Variants in RNF4 observed in about 807,000 individuals in gnomAD.
The protein encoded by RNF4 is E3 ubiquitin-protein ligase RNF4.
RNF4 carries 7 observed loss-of-function variants against 24.3 expected under a neutral mutation model. The ratio of observed to expected loss-of-function variants is 0.29; its 90% CI spans 0.16 to 0.54. The LOEUF is 0.54. RNF4 is among the 20% of genes least tolerant of loss of function. The pLI is 0.95. For synonymous variants in RNF4, 83 were observed against 84.3 expected (o/e 0.98, Z 0.09); for missense variants, 209 against 248.5 (o/e 0.84, Z 1.07).
intron 3 of RNF4, among the ~76,000 whole-genome samples, chr4:2,497,709 A>G (rs1379775580): frequency 2.0e-5 from 3 of 152,140 alleles, no homozygotes; most frequent in South Asian, 2.1e-4. Context: ...GTCTCGGCTC[A>G]CTGCAAGCTC....
intron 2 of RNF4, 126 bp from the exon 3 acceptor site, chr4:2,496,881 G>T: frequency 1.6e-6 from 1 of 622,022 alleles, no homozygotes; most frequent in South Asian, 2.0e-5. Flanking sequence ...TTTGAAAGGA[G>T]CCCTAACTTC....
In RNF4 at chr4:2,493,564, A is replaced by C. The variant is rs188530685; in HGVS notation, c.9+3062A>C. Among the ~76,000 whole-genome samples, 655 of 152,012 alleles carry C rather than the reference A, an allele frequency of 4.3e-3. 6 individuals are homozygous for C. The highest frequency in any genetic ancestry group is 3.9e-3 in the Non-Finnish European group (268 of 67,968). Reference sequence around the variant, plus strand: ...CGAGACCAGCCTGGCCAACATGGTGAAACCCCGTTTCCACTAAAAATACAA... The same window carrying C: ...CGAGACCAGCCTGGCCAACATGGTGCAACCCCGTTTCCACTAAAAATACAA... On this transcript the variant is annotated intron_variant, in intron 2 of 7. Coordinates refer to ENST00000314289, the MANE Select transcript of RNF4 (RefSeq NM_002938.5).
chr4:2,474,574 C>G (rs992083118), intron 1 of RNF4, among the ~76,000 whole-genome samples: 1 of 152,142 alleles, frequency 6.6e-6, no homozygotes, highest in Non-Finnish European at 1.5e-5. Flanking sequence ...ATTTTATAAA[C>G]TTAGTTAATA....
At chr4:2,504,306 G>C (rs1328698635) in intron 4 of RNF4, among the ~76,000 whole-genome samples, 1 of 152,118 alleles carries the variant, frequency 6.6e-6, no homozygotes, top group Non-Finnish European at 1.5e-5. Context: ...ATAAATGCCA[G>C]ACTTTTCTAA....
intron 4 of RNF4, among the ~76,000 whole-genome samples, chr4:2,501,339 G>C (rs150666413): frequency 3.1e-4 from 47 of 152,308 alleles, no homozygotes; most frequent in East Asian, 2.7e-3. Flanking sequence ...TTCCAAAAGT[G>C]CCTGCTACTT....
chr4:2,496,569 T>C (rs963234856), intron 2 of RNF4, among the ~76,000 whole-genome samples: 3 of 152,170 alleles, frequency 2.0e-5, no homozygotes, highest in Non-Finnish European at 4.4e-5. Context: ...CAAGTGATTC[T>C]CCTGCCTCAG....
intron 1 of RNF4, among the ~76,000 whole-genome samples, chr4:2,477,728 A>C (rs995916942): frequency 6.6e-6 from 1 of 152,168 alleles, no homozygotes; most frequent in African/African-American, 2.4e-5. Flanking sequence ...GCCATTTGGA[A>C]CTGGCTTTTG....
chr4:2,470,358 C>T (rs1440168394), intron 1 of RNF4, among the ~76,000 whole-genome samples: 1 of 152,142 alleles, frequency 6.6e-6, no homozygotes, highest in Non-Finnish European at 1.5e-5. Context: ...TCTTTTGTTA[C>T]TTTCTTGGTG....
At chr4:2,477,616 G>T (rs1486569388) in intron 1 of RNF4, among the ~76,000 whole-genome samples, 1 of 151,836 alleles carries the variant, frequency 6.6e-6, no homozygotes, top group Admixed American at 6.6e-5. Context: ...CTTTTATAAG[G>T]GGGAGTTTCC....
At chr4:2,492,765 G>C (rs955130078) in intron 2 of RNF4, among the ~76,000 whole-genome samples, 1 of 152,086 alleles carries the variant, frequency 6.6e-6, no homozygotes, top group Non-Finnish European at 1.5e-5. Context: ...ACACAAAAAA[G>C]CCCACTTCTT....
chr4:2,490,631 G>A (rs1735551675), intron 2 of RNF4, 129 bp downstream of exon 2: 1 of 934,284 alleles, frequency 1.1e-6, no homozygotes, highest in Admixed American at 2.5e-5. Context: ...GAAGGAGTAT[G>A]TATAGGAGCT....
chr4:2,499,588 TTTAATATTAATA>T (rs35454362), intron 3 of RNF4, among the ~76,000 whole-genome samples: 1 of 151,594 alleles, frequency 6.6e-6, no homozygotes. Context: ...TTCCGTGCTT[TTTAATATTAATA>T]TTAATAGTAA....
rs769839681 is a variant in RNF4 at position 2,513,672 on chromosome 4, C to G, written c.426C>G (p.Ile142Met). Reference protein sequence around the residue: ...CPICMDGYSEIVQNGRLIVST... With the variant: ...CPICMDGYSEMVQNGRLIVST... ...CTCTTCTTTTTAATGCCTTCTAGAT[C>G]GTGCAGAATGGACGTCTCATCGTTT... The change falls in exon 8 of 8, where the codon ATC (isoleucine) becomes ATG (methionine). Residue 142 changes from isoleucine (I) to methionine (M), a missense_variant and splice_region_variant. Ile to Met is a conservative substitution (Grantham distance 10). Transcript: ENST00000314289. The G allele has an allele frequency of 6.2e-7, 1 of 1,613,638 alleles. No individual in the cohort carries two copies. Among genetic ancestry groups the G allele is most frequent in the Non-Finnish European group, 8.5e-7 (1 of 1,179,902 alleles).
chr4:2,500,633 GC>G (rs1225337693), intron 3 of RNF4, 25 bp from the exon 4 acceptor site: 1 of 1,610,840 alleles, frequency 6.2e-7, no homozygotes, highest in Non-Finnish European at 8.5e-7. Context: ...TAATCTTAAT[GC>G]TTGTTGAAAT....
At chr4:2,473,315 T>TGGA (rs1734963936) in intron 1 of RNF4, among the ~76,000 whole-genome samples, 1 of 147,550 alleles carries the variant, frequency 6.8e-6, no homozygotes, top group South Asian at 2.2e-4. Context: ...GCCCAGGAGG[T>TGGA]GGAGGCTGCA....
intron 1 of RNF4, among the ~76,000 whole-genome samples, chr4:2,486,857 T>C (rs1735424204): frequency 6.6e-6 from 1 of 152,182 alleles, no homozygotes; most frequent in African/African-American, 2.4e-5. Flanking sequence ...TAAGACACGC[T>C]ATTGATGTGG....
chr4:2,469,816 TTTCCGGGCGCGC>T (rs1734839980), intron 1 of RNF4: 1 of 152,580 alleles, frequency 6.6e-6, no homozygotes, highest in South Asian at 2.1e-4. Flanking sequence ...AGGGCCTCGA[TTTCCGGGCGCGC>T]TTCCGGGCCC....
Position 2,507,960 on chromosome 4 carries a change from TC to T in RNF4, c.205-3994del, listed in dbSNP as rs1228074116. 3.3e-5 allele frequency among the ~76,000 whole-genome samples: 5 copies of T among 152,014 alleles called. No individual in the cohort carries two copies. The East Asian group carries it at 9.6e-4, about 29-fold the overall frequency. On this transcript the variant is annotated intron_variant, in intron 4 of 7. Coordinates refer to ENST00000314289, the MANE Select transcript of RNF4 (RefSeq NM_002938.5). ...GCCTCAACCTCCCAGGTTGAAGAGATCCTCCTGCCTCAGCCCCAGGAGTACT... is the reference window on the plus strand; with the variant it reads ...GCCTCAACCTCCCAGGTTGAAGAGATCTCCTGCCTCAGCCCCAGGAGTACT...
intron 7 of RNF4, 150 bp from the exon 8 acceptor site, chr4:2,513,520 A>G: frequency 2.3e-6 from 2 of 865,262 alleles, no homozygotes; most frequent in Non-Finnish European, 3.5e-6. Flanking sequence ...CAGCAGACAC[A>G]GTTAGCTCTC....
Sources: gnomAD v4.1 joint callset for allele counts (sites outside exome capture counted in the v4.1 genomes callset) on GRCh38, gnomAD v4.1.1 for gene constraint, MANE v1.5 for transcripts, NCBI Gene and HGNC (gene_info 2026-07-23, HGNC 2026-07-21) for gene names.